The following GPHN variants were observed in gnomAD, a reference collection of about 807,000 sequenced individuals.
The protein encoded by GPHN is gephyrin.
GPHN carries 17 observed loss-of-function variants against 95.5 expected under a neutral mutation model. The ratio of observed to expected loss-of-function variants is 0.18; its 90% CI spans 0.12 to 0.27. GPHN has a LOEUF of 0.27. GPHN is among the 10% of genes least tolerant of loss of function. GPHN has a pLI of 1.00. For missense variants in GPHN, 660 were observed against 978.1 expected, an observed-to-expected ratio of 0.67 and a Z score of 4.34; for synonymous variants, 320 against 322.5, an observed-to-expected ratio of 0.99 and a Z score of 0.08.
intron 1 of GPHN, among the ~76,000 whole-genome samples, chr14:66,537,329 T>C (rs970951982): frequency 2.6e-5 from 4 of 152,200 alleles, no homozygotes; most frequent in Admixed American, 6.5e-5. Flanking sequence ...TAAATTTCTT[T>C]CCTGCCTGTA....
the GPHN span, among the ~76,000 whole-genome samples, chr14:67,429,483 C>T: frequency 7.4e-4 from 111 of 150,482 alleles, no homozygotes; most frequent in Non-Finnish European, 1.4e-3. Context: ...CCCACCTCGG[C>T]CTCCTAAAGT....
chr14:66,676,832 G>A (rs1247948232), intron 1 of GPHN, among the ~76,000 whole-genome samples: 3 of 151,914 alleles, frequency 2.0e-5, no homozygotes, highest in Non-Finnish European at 4.4e-5. Flanking sequence ...TGACCTCGTA[G>A]AATGAATTAG....
the GPHN span, among the ~76,000 whole-genome samples, chr14:67,705,731 TG>T: frequency 6.6e-6 from 1 of 152,226 alleles, no homozygotes; most frequent in Non-Finnish European, 1.5e-5. Flanking sequence ...AGGAATTTTT[TG>T]TATTATTTTT....
At chr14:66,579,925 C>G (rs963503777) in intron 1 of GPHN, among the ~76,000 whole-genome samples, 10 of 151,798 alleles carry the variant, frequency 6.6e-5, no homozygotes, top group African/African-American at 2.4e-4. Context: ...AACACACATC[C>G]TTCTTAAGCA....
intron 10 of GPHN, among the ~76,000 whole-genome samples, chr14:67,045,030 A>G (rs10220477): frequency 0.24 from 36,485 of 152,072 alleles, 8,703 homozygotes; most frequent in African/African-American, 0.58. Flanking sequence ...TTGGATGCCT[A>G]ATAGGTATTA....
chr14:66,733,242 C>G (rs1735754737), intron 2 of GPHN, among the ~76,000 whole-genome samples: 1 of 151,912 alleles, frequency 6.6e-6, no homozygotes, highest in Non-Finnish European at 1.5e-5. Flanking sequence ...GCCTCCCCCT[C>G]CACCATGATT....
the GPHN span, chr14:67,690,460 T>C: frequency 8.3e-6 from 13 of 1,574,624 alleles, no homozygotes; most frequent in Admixed American, 1.7e-4. Flanking sequence ...TTCAGGGCCA[T>C]GTAGGAATGA....
chr14:66,629,141 T>TACATATATAAATATGTATATAAATATA (rs1566728850), intron 1 of GPHN, among the ~76,000 whole-genome samples: 6 of 125,470 alleles, frequency 4.8e-5, no homozygotes, highest in East Asian at 2.1e-4. Context: ...AAATATATAT[T>TACATATATAAATATGTATATAAATATA]TATATACATA....
At chr14:67,391,646 G>A in the GPHN span, among the ~76,000 whole-genome samples, 3 of 152,208 alleles carry the variant, frequency 2.0e-5, no homozygotes, top group African/African-American at 7.2e-5. Flanking sequence ...TATACAATAT[G>A]TGCACAAACA....
At chr14:66,805,253 G>A (rs934457340) in intron 3 of GPHN, among the ~76,000 whole-genome samples, 3 of 152,098 alleles carry the variant, frequency 2.0e-5, no homozygotes, top group African/African-American at 7.2e-5. Flanking sequence ...ACTCACTATT[G>A]CTAGAATAGC....
chr14:67,334,218 C>T, the GPHN span: 2 of 152,610 alleles, frequency 1.3e-5, no homozygotes, highest in South Asian at 4.1e-4. Flanking sequence ...GAGAATGCAA[C>T]AGCTTGGTAA....
intron 2 of GPHN, chr14:66,709,387 C>G (rs1488013784): frequency 2.2e-6 from 1 of 455,996 alleles, no homozygotes; most frequent in South Asian, 1.5e-5. Context: ...CAGTGAATGG[C>G]TGAAACCACA....
the GPHN span, among the ~76,000 whole-genome samples, chr14:67,278,820 A>G: frequency 6.6e-6 from 1 of 152,108 alleles, no homozygotes; most frequent in Non-Finnish European, 1.5e-5. Context: ...ACATTTTTGG[A>G]AAGGGACTTT....
chr14:66,914,320 G>C (rs1484247234), intron 5 of GPHN, among the ~76,000 whole-genome samples: 1 of 152,080 alleles, frequency 6.6e-6, no homozygotes, highest in Non-Finnish European at 1.5e-5. Flanking sequence ...AATGGAGGGA[G>C]TTACAACATT....
chr14:67,605,291 A>C, the GPHN span, among the ~76,000 whole-genome samples: 1 of 152,178 alleles, frequency 6.6e-6, no homozygotes, highest in South Asian at 2.1e-4. Flanking sequence ...CCTCATTTGT[A>C]GGTATTTGAT....
chr14:67,218,940 C>A, the GPHN span, among the ~76,000 whole-genome samples: 2 of 151,988 alleles, frequency 1.3e-5, no homozygotes, highest in African/African-American at 2.4e-5. Flanking sequence ...GGCCCAGGTT[C>A]TGCACAGGTG....
intron 1 of GPHN, among the ~76,000 whole-genome samples, chr14:66,669,942 C>G (rs1263894712): frequency 6.6e-6 from 1 of 152,154 alleles, no homozygotes; most frequent in Non-Finnish European, 1.5e-5. Context: ...TTGGTCTTAG[C>G]ACCTGTCATT....
the GPHN span, among the ~76,000 whole-genome samples, chr14:67,491,026 C>A: frequency 6.6e-6 from 1 of 152,160 alleles, no homozygotes; most frequent in Non-Finnish European, 1.5e-5. Flanking sequence ...TCTGAGGGCT[C>A]AGTCCCACAA....
At chr14:67,456,751 G>A in the GPHN span, among the ~76,000 whole-genome samples, 138 of 152,248 alleles carry the variant, frequency 9.1e-4, no homozygotes, top group African/African-American at 3.2e-3. Context: ...CAGAACTACC[G>A]TTTGACTTAC....
Sources: gnomAD v4.1 joint callset for allele counts (sites outside exome capture counted in the v4.1 genomes callset) on GRCh38, gnomAD v4.1.1 for gene constraint, MANE v1.5 for transcripts, NCBI Gene and HGNC (gene_info 2026-07-23, HGNC 2026-07-21) for gene names.